Variants in ARHGEF9 observed in about 807,000 individuals in gnomAD.
The protein encoded by ARHGEF9 is rho guanine nucleotide exchange factor 9.
Under a neutral mutation model 41.3 loss-of-function variants are expected in ARHGEF9, and 2 were observed. The observed-to-expected ratio is 0.05, with a 90% CI of 0.02 to 0.15. The LOEUF (loss-of-function observed/expected upper bound fraction) is 0.15. Among genes scored for constraint, ARHGEF9 ranks in the 10% least tolerant of loss-of-function variants. ARHGEF9 has a pLI of 1.00. For synonymous variants in ARHGEF9, 160 were observed against 154.4 expected, an observed-to-expected ratio of 1.04 and a Z score of -0.27; for missense variants, 225 against 424.7, an observed-to-expected ratio of 0.53 and a Z score of 4.13.
At chrX:63,654,281 C>A (rs2048747526) in intron 8 of ARHGEF9, among the ~76,000 whole-genome samples, 1 of 111,452 alleles carries the variant, frequency 9.0e-6, no homozygotes, top group African/African-American at 3.3e-5. Flanking sequence ...GTGTGGGAGA[C>A]ATTGTGTTAG....
intron 7 of ARHGEF9, among the ~76,000 whole-genome samples, chrX:63,664,464 C>T (rs1258906879): frequency 8.9e-6 from 1 of 112,445 alleles, no homozygotes; most frequent in African/African-American, 3.2e-5. Flanking sequence ...GCCTCTATGG[C>T]TACTTGTTCT....
At chrX:63,734,229 G>A (rs1411618687) in intron 1 of ARHGEF9, among the ~76,000 whole-genome samples, 2 of 111,875 alleles carry the variant, frequency 1.8e-5, no homozygotes, top group Non-Finnish European at 3.8e-5. Context: ...ATGGGCCAAG[G>A]ATTGCACAGA....
chrX:63,716,680 G>A (rs1441781817), intron 2 of ARHGEF9, among the ~76,000 whole-genome samples: 10 of 111,968 alleles, frequency 8.9e-5, no homozygotes, highest in African/African-American at 2.9e-4. Context: ...ACAACCTGAC[G>A]TTGGACCAAT....
chrX:63,718,990 T>TA (rs1556411883), intron 2 of ARHGEF9, among the ~76,000 whole-genome samples: 1 of 111,337 alleles, frequency 9.0e-6, no homozygotes, highest in African/African-American at 3.3e-5. Context: ...AAGAAAAAAA[T>TA]AAAAAACCTC....
At chrX:63,755,231 C>A (rs1164597062) in intron 1 of ARHGEF9, 14 of 937,044 alleles carry the variant, frequency 1.5e-5, no homozygotes, top group Non-Finnish European at 1.6e-5. Context: ...ACAGATGCCG[C>A]AGTAGCACGT....
chrX:63,702,627 C>T (rs1348770455), intron 3 of ARHGEF9, among the ~76,000 whole-genome samples: 27 of 111,438 alleles, frequency 2.4e-4, no homozygotes, highest in Admixed American at 4.8e-4. Flanking sequence ...TATAATTTTC[C>T]CCCTTTCCCC....
At chrX:63,653,303 G>A (rs1172653050) in intron 8 of ARHGEF9, among the ~76,000 whole-genome samples, 2 of 111,512 alleles carry the variant, frequency 1.8e-5, no homozygotes, top group African/African-American at 6.5e-5. Context: ...CTTCCTGACT[G>A]CCTGTAGATG....
intron 8 of ARHGEF9, among the ~76,000 whole-genome samples, chrX:63,645,063 C>T (rs1315673945): frequency 1.8e-5 from 2 of 110,440 alleles, no homozygotes; most frequent in African/African-American, 6.6e-5. Context: ...GAATGAGCCA[C>T]TGTACCCAGT....
intron 8 of ARHGEF9, among the ~76,000 whole-genome samples, chrX:63,648,896 G>T (rs1490015645): frequency 2.7e-5 from 3 of 111,597 alleles, no homozygotes. Flanking sequence ...AACAAGAAGA[G>T]CTAACTCTCC....
At chrX:63,660,963 C>T (rs1556340846) in intron 7 of ARHGEF9, among the ~76,000 whole-genome samples, 2 of 111,982 alleles carry the variant, frequency 1.8e-5, no homozygotes, top group African/African-American at 6.5e-5. Flanking sequence ...CCACTGTTCC[C>T]CACTACCTCA....
At chrX:63,740,483 C>T (rs1556425728) in intron 1 of ARHGEF9, among the ~76,000 whole-genome samples, 1 of 112,219 alleles carries the variant, frequency 8.9e-6, no homozygotes, top group South Asian at 3.7e-4. Flanking sequence ...CTAGCTGAGC[C>T]TTTCCATCAT....
intron 9 of ARHGEF9, 149 bp downstream of exon 9, chrX:63,643,831 T>C (rs2047811779): frequency 2.0e-6 from 1 of 504,760 alleles, no homozygotes; most frequent in East Asian, 3.6e-5. Context: ...TTAAAACCAT[T>C]TGCTACCTGT....
intron 1 of ARHGEF9, among the ~76,000 whole-genome samples, chrX:63,766,265 A>G (rs2056111790): frequency 8.9e-6 from 1 of 111,979 alleles, no homozygotes; most frequent in Non-Finnish European, 1.9e-5. Flanking sequence ...ATGTGTGTGT[A>G]TGCACACTGA....
At chrX:63,775,128 C>A (rs782741102) in intron 1 of ARHGEF9, among the ~76,000 whole-genome samples, 2 of 112,254 alleles carry the variant, frequency 1.8e-5, no homozygotes, top group African/African-American at 6.5e-5. Flanking sequence ...CAATGAGATA[C>A]CATCTCACAC....
At chrX:63,644,763 T>A (rs1343181377) in intron 8 of ARHGEF9, among the ~76,000 whole-genome samples, 1 of 78,077 alleles carries the variant, frequency 1.3e-5, no homozygotes, top group Non-Finnish European at 2.0e-5. Flanking sequence ...ATTATTATTA[T>A]TTTTTTTTTT....
rs1331516026 is a variant in ARHGEF9, at chrX:63,653,218, A to T, written c.1321+2276T>A. Among the ~76,000 whole-genome samples the T allele has an allele frequency of 3.6e-5, 4 of 111,435 alleles. No individual in the cohort carries two copies. The Admixed American group carries it at 3.9e-4, about 11-fold the overall frequency. On this transcript the variant is annotated intron_variant, in intron 8 of 9. Coordinates refer to ENST00000671741, the MANE Select transcript of ARHGEF9 (RefSeq NM_001353921.2). ...AAAGTAGAGCCTAGGTCTCACACAG[A>T]AAGGGCAGAAATTCTACCTGTGCAC...
chrX:63,764,822 G>A (rs1175803480), intron 1 of ARHGEF9, among the ~76,000 whole-genome samples: 1 of 111,252 alleles, frequency 9.0e-6, no homozygotes, highest in Non-Finnish European at 1.9e-5. Flanking sequence ...GTGGGGCTGG[G>A]GGAGGGAGAG....
chrX:63,717,019 G>A (rs2053348849), intron 2 of ARHGEF9, among the ~76,000 whole-genome samples: 1 of 112,403 alleles, frequency 8.9e-6, no homozygotes, highest in African/African-American at 3.2e-5. Flanking sequence ...CATGGCACAT[G>A]GCATTCAGGG....
At chrX:63,727,487 T>G (rs2054043446) in intron 1 of ARHGEF9, 1 of 111,780 alleles carries the variant, frequency 8.9e-6, no homozygotes. Context: ...AATCAATGAC[T>G]GTCAGAATTG....
Sources: allele counts gnomAD v4.1 joint callset (sites outside exome capture counted in the v4.1 genomes callset), GRCh38; gene constraint gnomAD v4.1.1; transcripts MANE v1.5; gene names NCBI Gene and HGNC (gene_info 2026-07-23, HGNC 2026-07-21).